The following DOCK1 variants were observed in gnomAD, a reference collection of about 807,000 sequenced individuals.
DOCK1 encodes dedicator of cytokinesis protein 1.
A neutral mutation model predicts 262.7 loss-of-function variants in DOCK1; 138 were observed. The ratio of observed to expected loss-of-function variants is 0.53; its 90% CI spans 0.46 to 0.61. The LOEUF (loss-of-function observed/expected upper bound fraction) is 0.61. Ranked by LOEUF, DOCK1 falls within the 20% of genes least tolerant of loss-of-function variation. The pLI is 0.00. For synonymous variants in DOCK1, 866 were observed against 867.4 expected (o/e 1.00, Z 0.03); for missense variants, 1,908 against 2,370.7 (o/e 0.80, Z 4.05).
chr10:127,439,704 G>T (rs2069955040), intron 49 of DOCK1, among the ~76,000 whole-genome samples: 1 of 152,176 alleles, frequency 6.6e-6, no homozygotes, highest in Non-Finnish European at 1.5e-5. Flanking sequence ...CCAGAAGCTG[G>T]ACCCAGTCCT....
chr10:127,298,730 G>C (rs1332312680), intron 29 of DOCK1, among the ~76,000 whole-genome samples: 1 of 152,150 alleles, frequency 6.6e-6, no homozygotes, highest in African/African-American at 2.4e-5. Flanking sequence ...ACTTGTCGGG[G>C]TTTATATTAC....
At chr10:127,084,706 T>C (rs187716390) in intron 23 of DOCK1, among the ~76,000 whole-genome samples, 1 of 152,208 alleles carries the variant, frequency 6.6e-6, no homozygotes, top group African/African-American at 2.4e-5. Flanking sequence ...CTATGCAGAG[T>C]AGGTCTTACC....
intron 21 of DOCK1, among the ~76,000 whole-genome samples, chr10:127,049,732 T>A (rs918764795): frequency 6.6e-6 from 1 of 151,654 alleles, no homozygotes; most frequent in South Asian, 2.1e-4. Flanking sequence ...GAAAAAAAAA[T>A]GGACTAATTT....
chr10:127,366,929 T>C (rs973457475), intron 33 of DOCK1, among the ~76,000 whole-genome samples: 2 of 152,210 alleles, frequency 1.3e-5, no homozygotes, highest in East Asian at 1.9e-4. Context: ...TACAACACTT[T>C]AGTGTTTTGA....
Position 127,202,510 on chromosome 10 carries a change from G to A in DOCK1, c.2848-45498G>A, listed in dbSNP as rs77736308. ...AGGCCTGCAGTCTTCTCCCAGCTGGGGGGTGTAGGAACTTCCTTGTTTGCC... is the reference window on the plus strand; with the variant it reads ...AGGCCTGCAGTCTTCTCCCAGCTGGAGGGTGTAGGAACTTCCTTGTTTGCC... On this transcript the variant is annotated intron_variant, in intron 27 of 51. Coordinates refer to ENST00000623213, the MANE Select transcript of DOCK1 (RefSeq NM_001290223.2). Among the ~76,000 whole-genome samples the A allele has an allele frequency of 1.0e-3, 157 of 152,228 alleles. 4 individuals carry two copies. The East Asian group carries it at 0.021, about 20-fold the overall frequency.
chr10:127,044,866 A>G (rs189575898), intron 21 of DOCK1, among the ~76,000 whole-genome samples: 5 of 152,018 alleles, frequency 3.3e-5, no homozygotes, highest in Non-Finnish European at 5.9e-5. Context: ...AAAAAGTACC[A>G]TTTTTTCTTT....
chr10:127,156,983 G>A (rs1315239092), intron 27 of DOCK1, among the ~76,000 whole-genome samples: 3 of 152,204 alleles, frequency 2.0e-5, no homozygotes, highest in Non-Finnish European at 4.4e-5. Context: ...TACATACTAA[G>A]TGTGAAACAT....
At chr10:127,244,363 G>T (rs770595134) in intron 27 of DOCK1, among the ~76,000 whole-genome samples, 17 of 152,220 alleles carry the variant, frequency 1.1e-4, no homozygotes, top group Middle Eastern at 3.4e-3. Flanking sequence ...ACATCTTTGG[G>T]TATGAAATTT....
At chr10:127,082,667 CA>C (rs1244881589) in intron 23 of DOCK1, among the ~76,000 whole-genome samples, 7 of 151,908 alleles carry the variant, frequency 4.6e-5, no homozygotes, top group African/African-American at 1.5e-4. Flanking sequence ...GGAGACAGCC[CA>C]AACCATATCA....
At chr10:126,936,433 A>G (rs1371220021) in intron 1 of DOCK1, among the ~76,000 whole-genome samples, 2 of 152,218 alleles carry the variant, frequency 1.3e-5, no homozygotes, top group African/African-American at 4.8e-5. Context: ...CTGTGTTCCA[A>G]TAAAACTTTA....
intron 27 of DOCK1, among the ~76,000 whole-genome samples, chr10:127,236,505 T>TTG (rs2059064696): frequency 7.1e-6 from 1 of 140,046 alleles, no homozygotes; most frequent in Admixed American, 7.1e-5. Context: ...CACGGGTTTT[T>TTG]TTTTTTTTTT....
At chr10:127,179,730 G>C (rs749393849) in intron 27 of DOCK1, among the ~76,000 whole-genome samples, 2 of 152,180 alleles carry the variant, frequency 1.3e-5, no homozygotes, top group Non-Finnish European at 2.9e-5. Flanking sequence ...CTTTCCCTAA[G>C]ACAAGTGGAA....
At chr10:127,051,812 A>T (rs1314072286) in intron 21 of DOCK1, among the ~76,000 whole-genome samples, 1 of 152,094 alleles carries the variant, frequency 6.6e-6, no homozygotes, top group Admixed American at 6.5e-5. Flanking sequence ...CAAACTCCTG[A>T]GTTGAAGTGA....
intron 29 of DOCK1, among the ~76,000 whole-genome samples, chr10:127,333,317 TC>T (rs2063063650): frequency 6.6e-6 from 1 of 152,174 alleles, no homozygotes; most frequent in Admixed American, 6.5e-5. Flanking sequence ...TCCCTGCCTT[TC>T]TCCACATTCT....
At chr10:127,360,643 C>T (rs1373732685) in intron 32 of DOCK1, among the ~76,000 whole-genome samples, 1 of 152,208 alleles carries the variant, frequency 6.6e-6, no homozygotes, top group Non-Finnish European at 1.5e-5. Context: ...ACTGACCTCT[C>T]TGTTCATTTT....
rs139078717 is a variant in DOCK1, at chr10:127,371,297, A to G, written c.3433-2484A>G. The stretch of plus-strand genomic sequence containing the variant: ...ATCAGGGTGGCCAGGTGTTTGTGTA[A>G]ATTACTTAGTTTGGACTAGGGTTAG... On this transcript the variant is annotated intron_variant, in intron 33 of 51. Coordinates refer to ENST00000623213, the MANE Select transcript of DOCK1 (RefSeq NM_001290223.2). Among the ~76,000 whole-genome samples the G allele has an allele frequency of 1.9e-3, 287 of 152,308 alleles. 1 individual carries two copies. The highest frequency in any genetic ancestry group is 6.8e-3 in the African/African-American group (282 of 41,564).
chr10:127,076,306 C>A (rs929596247), intron 23 of DOCK1, among the ~76,000 whole-genome samples: 1 of 152,160 alleles, frequency 6.6e-6, no homozygotes, highest in Non-Finnish European at 1.5e-5. Context: ...TCAAGACCAT[C>A]CTGGCTAACA....
chr10:127,399,923 T>C (rs1334763136), intron 38 of DOCK1, among the ~76,000 whole-genome samples: 1 of 152,094 alleles, frequency 6.6e-6, no homozygotes. Context: ...ACGAAAGACT[T>C]AGAGCAGCAG....
chr10:127,036,998 G>A (rs114413478), intron 18 of DOCK1, among the ~76,000 whole-genome samples: 10,167 of 108,682 alleles, frequency 0.094, 462 homozygotes, highest in Non-Finnish European at 0.13. Flanking sequence ...AAAAAAAAAA[G>A]AAAAAGAATA....
Sources: allele counts gnomAD v4.1 joint callset (sites outside exome capture counted in the v4.1 genomes callset), GRCh38; gene constraint gnomAD v4.1.1; transcripts MANE v1.5; gene names NCBI Gene and HGNC (gene_info 2026-07-23, HGNC 2026-07-21).